The following GABRB1 variants were observed in gnomAD, a reference collection of about 807,000 sequenced individuals.
GABRB1 encodes the protein gamma-aminobutyric acid type A receptor subunit beta1, also known as gamma-aminobutyric acid receptor subunit beta-1.
Under a neutral mutation model 51.6 loss-of-function variants are expected in GABRB1, and 17 were observed. The observed-to-expected ratio is 0.33, with a 90% CI of 0.23 to 0.49. The LOEUF (loss-of-function observed/expected upper bound fraction) is 0.49. Among genes scored for constraint, GABRB1 ranks in the 20% least tolerant of loss-of-function variants. The pLI is 0.99. For synonymous variants in GABRB1, 247 were observed against 218.9 expected (o/e 1.13, Z -1.14); for missense variants, 410 against 600.6 (o/e 0.68, Z 3.32).
chr4:47,317,923 C>T (rs1329355997), intron 4 of GABRB1, among the ~76,000 whole-genome samples: 4 of 151,832 alleles, frequency 2.6e-5, no homozygotes, highest in African/African-American at 4.8e-5. Flanking sequence ...GTACATAATC[C>T]TTTTAATGTG....
intron 4 of GABRB1, among the ~76,000 whole-genome samples, chr4:47,257,080 G>C (rs1046424497): frequency 6.6e-6 from 1 of 152,108 alleles, no homozygotes; most frequent in African/African-American, 2.4e-5. Context: ...TTCCATCTGG[G>C]TTTAGTCAAT....
intron 3 of GABRB1, among the ~76,000 whole-genome samples, chr4:47,092,470 G>A (rs1577900543): frequency 6.6e-6 from 1 of 151,550 alleles, no homozygotes; most frequent in African/African-American, 2.4e-5. Flanking sequence ...ACTGCACCCC[G>A]CCAATTCCCA....
intron 4 of GABRB1, among the ~76,000 whole-genome samples, chr4:47,256,683 G>A (rs1223620250): frequency 3.3e-5 from 5 of 152,150 alleles, no homozygotes; most frequent in Non-Finnish European, 7.4e-5. Flanking sequence ...GGTGGAGCAG[G>A]AGAGAGAGGG....
At chr4:47,049,560 A>C (rs1726252572) in intron 3 of GABRB1, among the ~76,000 whole-genome samples, 1 of 152,206 alleles carries the variant, frequency 6.6e-6, no homozygotes, top group East Asian at 1.9e-4. Context: ...TACATTATGA[A>C]ATGCAAATGG....
chr4:47,238,111 C>G (rs1026081509), intron 4 of GABRB1, among the ~76,000 whole-genome samples: 1 of 151,796 alleles, frequency 6.6e-6, no homozygotes, highest in African/African-American at 2.4e-5. Context: ...CAAGACCATT[C>G]AAGAAATGAA....
At chr4:47,039,871 G>T (rs910517981) in intron 3 of GABRB1, among the ~76,000 whole-genome samples, 2 of 152,164 alleles carry the variant, frequency 1.3e-5, no homozygotes, top group Non-Finnish European at 2.9e-5. Flanking sequence ...CTAAAAGCAA[G>T]TTGTAGGACA....
chr4:47,178,150 C>T (rs1415902424), intron 4 of GABRB1, among the ~76,000 whole-genome samples: 15 of 151,966 alleles, frequency 9.9e-5, no homozygotes, highest in Non-Finnish European at 8.8e-5. Context: ...CATCATAGTA[C>T]CAAAGGGGCA....
intron 1 of GABRB1, among the ~76,000 whole-genome samples, chr4:47,022,563 A>T (rs917869408): frequency 6.6e-6 from 1 of 152,064 alleles, no homozygotes; most frequent in African/African-American, 2.4e-5. Flanking sequence ...TTAACATTCA[A>T]TCACGTCAGA....
intron 4 of GABRB1, among the ~76,000 whole-genome samples, chr4:47,264,684 T>G (rs1027501683): frequency 9.2e-5 from 14 of 152,232 alleles, no homozygotes; most frequent in African/African-American, 3.1e-4. Context: ...AGTGATACAT[T>G]TAAAGTGTAG....
In GABRB1 at chr4:47,172,107, C is replaced by T. The variant is rs545870057; in HGVS notation, c.461+10638C>T. Among the ~76,000 whole-genome samples the T allele has an allele frequency of 3.9e-5, 6 of 152,136 alleles. No individual in the cohort carries two copies. The South Asian group carries it at 1.2e-3, about 32-fold the overall frequency. The stretch of plus-strand genomic sequence containing the variant: ...ATATAGAGGTGTCCTATTTTGTATC[C>T]ATGTAACATGCTGTTTATGGATTAC... On this transcript the variant is annotated intron_variant, in intron 4 of 8. Transcript: ENST00000295454.
intron 4 of GABRB1, among the ~76,000 whole-genome samples, chr4:47,264,812 T>C (rs1476489053): frequency 1.3e-5 from 2 of 152,210 alleles, no homozygotes; most frequent in African/African-American, 2.4e-5. Flanking sequence ...CAATCAATCT[T>C]TCTCTTTGCC....
intron 8 of GABRB1, among the ~76,000 whole-genome samples, chr4:47,416,730 G>T (rs986625666): frequency 6.6e-6 from 1 of 152,064 alleles, no homozygotes; most frequent in Non-Finnish European, 1.5e-5. Flanking sequence ...GGGATTACGT[G>T]CATGAGCCAC....
At position 47,273,148 on chromosome 4, in the gene GABRB1, A is replaced by T. The variant is rs956708310; in HGVS notation, c.462-46979A>T. On this transcript the variant is annotated intron_variant, in intron 4 of 8. Coordinates refer to ENST00000295454, the MANE Select transcript of GABRB1 (RefSeq NM_000812.4). ...AAAGCCTTAAGAACCTCCCTGTTTA[A>T]TATATGCCTCTATAATTTCTGTGCT... Among the ~76,000 whole-genome samples the T allele has an allele frequency of 2.0e-5, 3 of 152,288 alleles. No individual in the cohort carries two copies. In the East Asian group the frequency reaches 5.8e-4, roughly 29 times the overall value.
chr4:47,295,579 A>G (rs1723949032), intron 4 of GABRB1, among the ~76,000 whole-genome samples: 1 of 152,150 alleles, frequency 6.6e-6, no homozygotes, highest in Non-Finnish European at 1.5e-5. Context: ...AAAGAAACGA[A>G]CAAAGCCTCC....
At position 47,232,303 on chromosome 4, in the gene GABRB1, C is replaced by T. The variant is rs963557708; in HGVS notation, c.461+70834C>T. On this transcript the variant is annotated intron_variant, in intron 4 of 8. Coordinates refer to ENST00000295454, the MANE Select transcript of GABRB1 (RefSeq NM_000812.4). ...TCCAGAAAACTAATTTTAATTCTTACCCTACTAAACATATTTAAGATACTT... is the reference window on the plus strand; with the variant it reads ...TCCAGAAAACTAATTTTAATTCTTATCCTACTAAACATATTTAAGATACTT... Among the ~76,000 whole-genome samples, 14 of 152,186 alleles carry T rather than the reference C, an allele frequency of 9.2e-5. 1 individual carries two copies. Among genetic ancestry groups the T allele is most frequent in the Admixed American group, 7.2e-4 (11 of 15,278 alleles).
chr4:47,369,824 C>G (rs1727123306), intron 5 of GABRB1, among the ~76,000 whole-genome samples: 1 of 152,110 alleles, frequency 6.6e-6, no homozygotes, highest in Non-Finnish European at 1.5e-5. Flanking sequence ...CATCACCATT[C>G]ATAAAATGGC....
chr4:47,406,095 G>A (rs922281899), intron 7 of GABRB1, among the ~76,000 whole-genome samples: 1 of 151,714 alleles, frequency 6.6e-6, no homozygotes, highest in African/African-American at 2.4e-5. Context: ...CATAAATCAA[G>A]CACTTGATAC....
chr4:47,261,296 C>A (rs1015750813), intron 4 of GABRB1, among the ~76,000 whole-genome samples: 3 of 152,128 alleles, frequency 2.0e-5, no homozygotes, highest in Non-Finnish European at 4.4e-5. Flanking sequence ...ATCTAGAAAA[C>A]CCCACTGTCT....
At chr4:47,350,218 T>TAGAGAGAGAGAGAGAGAGAG (rs59905765) in intron 5 of GABRB1, among the ~76,000 whole-genome samples, 2 of 56,656 alleles carry the variant, frequency 3.5e-5, no homozygotes, top group African/African-American at 1.6e-4. Flanking sequence ...TATATATATA[T>TAGAGAGAGAGAGAGAGAGAG]AGAGAGAGAG....
Sources: allele counts gnomAD v4.1 joint callset (sites outside exome capture counted in the v4.1 genomes callset), GRCh38; gene constraint gnomAD v4.1.1; transcripts MANE v1.5; gene names NCBI Gene and HGNC (gene_info 2026-07-23, HGNC 2026-07-21).